Variants in FAM171A1 observed in about 807,000 individuals in gnomAD.
FAM171A1 encodes family with sequence similarity 171 member A1.
A neutral mutation model predicts 74.9 loss-of-function variants in FAM171A1; 23 were observed. The observed-to-expected ratio is 0.31, with a 90% CI of 0.22 to 0.44. FAM171A1 has a LOEUF of 0.44. Ranked by LOEUF, FAM171A1 falls within the 20% of genes least tolerant of loss-of-function variation. The probability of loss-of-function intolerance (pLI) is 1.00; values close to 1 mark genes in which losing one functional copy is unlikely to be tolerated. For missense variants in FAM171A1, 1,162 were observed against 1,159.2 expected (o/e 1.00, Z -0.03); for synonymous variants, 527 against 505.7 (o/e 1.04, Z -0.57).
Position 15,280,029 on chromosome 10 carries a change from G to A in FAM171A1, c.325+3849C>T, listed in dbSNP as rs1834946953. On this transcript the variant is annotated intron_variant, in intron 2 of 7. Coordinates refer to ENST00000378116, the MANE Select transcript of FAM171A1 (RefSeq NM_001010924.2). Reference sequence around the variant, plus strand: ...TTGAACCTTGGAGGTGGAGGGTGTAGTGAGCTGAGATTGCACCACTGCACT... The same window carrying A: ...TTGAACCTTGGAGGTGGAGGGTGTAATGAGCTGAGATTGCACCACTGCACT... Among the ~76,000 whole-genome samples, 5 of 152,184 alleles carry A rather than the reference G, an allele frequency of 3.3e-5. No homozygotes were observed. The South Asian group carries it at 1.0e-3, about 31-fold the overall frequency.
chr10:15,269,870 G>A (rs141280488), intron 3 of FAM171A1, among the ~76,000 whole-genome samples: 51 of 152,346 alleles, frequency 3.3e-4, no homozygotes, highest in African/African-American at 1.2e-3. Context: ...CTATGTCCCA[G>A]CTGTGGATAA....
chr10:15,236,225 G>A (rs1211524289), intron 5 of FAM171A1, among the ~76,000 whole-genome samples: 1 of 151,622 alleles, frequency 6.6e-6, no homozygotes, highest in Admixed American at 6.6e-5. Flanking sequence ...GGGTGAGACT[G>A]GGATGTTAAA....
chr10:15,268,418 G>A (rs1198684156), intron 3 of FAM171A1, among the ~76,000 whole-genome samples: 6 of 152,112 alleles, frequency 3.9e-5, no homozygotes, highest in East Asian at 1.9e-4. Flanking sequence ...AATGAGATTC[G>A]AGGAGAGAAG....
intron 1 of FAM171A1, among the ~76,000 whole-genome samples, chr10:15,340,312 C>T (rs1363022207): frequency 1.3e-5 from 2 of 152,124 alleles, no homozygotes; most frequent in Admixed American, 6.5e-5. Context: ...GGCAGATACA[C>T]CAAGGCTGGG....
At chr10:15,321,303 G>C (rs1451763101) in intron 1 of FAM171A1, among the ~76,000 whole-genome samples, 1 of 152,130 alleles carries the variant, frequency 6.6e-6, no homozygotes, top group Non-Finnish European at 1.5e-5. Flanking sequence ...TTTCCTGAAA[G>C]TGAACCCCAA....
At chr10:15,334,430 A>G (rs1235733243) in intron 1 of FAM171A1, among the ~76,000 whole-genome samples, 1 of 152,228 alleles carries the variant, frequency 6.6e-6, no homozygotes, top group African/African-American at 2.4e-5. Flanking sequence ...GTTAACCGCT[A>G]AAGTTATTAA....
intron 3 of FAM171A1, among the ~76,000 whole-genome samples, chr10:15,269,581 C>T (rs7897092): frequency 0.41 from 62,607 of 152,002 alleles, 13,872 homozygotes; most frequent in African/African-American, 0.57. Flanking sequence ...ACAGACATCA[C>T]AACCTGTGAG....
At chr10:15,339,686 C>T (rs1263307109) in intron 1 of FAM171A1, among the ~76,000 whole-genome samples, 2 of 152,146 alleles carry the variant, frequency 1.3e-5, no homozygotes, top group Non-Finnish European at 2.9e-5. Flanking sequence ...TACACCCAAC[C>T]CCTTTCCCTT....
chr10:15,268,769 C>T (rs562020491), intron 3 of FAM171A1, among the ~76,000 whole-genome samples: 2 of 152,258 alleles, frequency 1.3e-5, no homozygotes, highest in South Asian at 2.1e-4. Context: ...GAAAGTTGGG[C>T]CAGGCATGGT....
intron 1 of FAM171A1, among the ~76,000 whole-genome samples, chr10:15,351,038 C>G (rs990137587): frequency 6.6e-6 from 1 of 152,146 alleles, no homozygotes; most frequent in Non-Finnish European, 1.5e-5. Flanking sequence ...CTCATTGCCT[C>G]CTCTGTTCCC....
In FAM171A1 at chr10:15,351,379, C is replaced by T. The variant is rs144000053; in HGVS notation, c.97+19577G>A. Reference sequence around the variant, plus strand: ...CGCGTGTGGGATGAACACCTCCACGCTGCAGCAGCCAAATGACTTTGAGCA... The same window carrying T: ...CGCGTGTGGGATGAACACCTCCACGTTGCAGCAGCCAAATGACTTTGAGCA... On this transcript the variant is annotated intron_variant, in intron 1 of 7. Transcript: ENST00000378116. Among the ~76,000 whole-genome samples, 651 of 152,278 alleles carry T rather than the reference C, an allele frequency of 4.3e-3. 6 individuals are homozygous for T. The highest frequency in any genetic ancestry group is 0.015 in the African/African-American group (628 of 41,554).
intron 4 of FAM171A1, among the ~76,000 whole-genome samples, chr10:15,252,770 C>T (rs1334782659): frequency 1.3e-5 from 2 of 152,266 alleles, no homozygotes; most frequent in South Asian, 2.1e-4. Context: ...TTTGAAATCA[C>T]GGAATGATCT....
At chr10:15,300,261 A>G (rs974703224) in intron 1 of FAM171A1, among the ~76,000 whole-genome samples, 2 of 152,144 alleles carry the variant, frequency 1.3e-5, no homozygotes, top group Admixed American at 1.3e-4. Context: ...TTACATTACA[A>G]ATATTCCTCC....
chr10:15,304,072 A>G (rs1479648848), intron 1 of FAM171A1, among the ~76,000 whole-genome samples: 1 of 152,170 alleles, frequency 6.6e-6, no homozygotes, highest in African/African-American at 2.4e-5. Flanking sequence ...AAAGTTGCAG[A>G]AAGTGTCAGA....
chr10:15,234,203 G>A (rs1834250287), intron 5 of FAM171A1, among the ~76,000 whole-genome samples: 1 of 151,348 alleles, frequency 6.6e-6, no homozygotes. Flanking sequence ...CATGTGTTAA[G>A]TGAGTGCTAA....
At chr10:15,272,067 T>C (rs1834832273) in intron 3 of FAM171A1, among the ~76,000 whole-genome samples, 1 of 152,156 alleles carries the variant, frequency 6.6e-6, no homozygotes, top group South Asian at 2.1e-4. Context: ...GGATAAATGC[T>C]CCAATTAAAA....
chr10:15,321,971 A>G (rs1247322057), intron 1 of FAM171A1, among the ~76,000 whole-genome samples: 1 of 152,228 alleles, frequency 6.6e-6, no homozygotes, highest in Non-Finnish European at 1.5e-5. Flanking sequence ...TTGAGCCAAG[A>G]CAGCCACATA....
rs556834236 is a variant in FAM171A1 at position 15,263,382 on chromosome 10, G to A, written c.419-8503C>T. Among the ~76,000 whole-genome samples the A allele has an allele frequency of 1.4e-4, 22 of 152,298 alleles. No individual in the cohort carries two copies. The South Asian group carries it at 4.6e-3, about 32-fold the overall frequency. ...ACCAAACCCCTCCCCACAAGATTTT[G>A]ATGGAAATGTGATCTTCAGCAAAGG... On this transcript the variant is annotated intron_variant, in intron 3 of 7. Transcript: ENST00000378116.
intron 1 of FAM171A1, among the ~76,000 whole-genome samples, chr10:15,285,722 T>A (rs1835027816): frequency 6.6e-6 from 1 of 152,080 alleles, no homozygotes. Flanking sequence ...CTGAAAGACT[T>A]GGGATAGGAA....
Sources: gnomAD v4.1 joint callset for allele counts (sites outside exome capture counted in the v4.1 genomes callset) on GRCh38, gnomAD v4.1.1 for gene constraint, MANE v1.5 for transcripts, NCBI Gene and HGNC (gene_info 2026-07-23, HGNC 2026-07-21) for gene names.